The following FUZ variants were observed in gnomAD, a reference collection of about 807,000 sequenced individuals.
FUZ encodes the protein protein fuzzy homolog.
Under a neutral mutation model 43.1 loss-of-function variants are expected in FUZ, and 31 were observed. The ratio of observed to expected loss-of-function variants is 0.72; its 90% CI spans 0.54 to 0.97. The LOEUF is 0.97. Ranked by LOEUF, FUZ falls within the 50% of genes least tolerant of loss-of-function variation. The probability of loss-of-function intolerance (pLI) is 0.00; values close to 1 mark genes in which losing one functional copy is unlikely to be tolerated. For missense variants in FUZ, 539 were observed against 543.8 expected, an observed-to-expected ratio of 0.99 and a Z score of 0.09; for synonymous variants, 274 against 250.0, an observed-to-expected ratio of 1.10 and a Z score of -0.91.
Position 49,809,018 on chromosome 19 carries a change from T to C in FUZ, c.786+145A>G, listed in dbSNP as rs2073602164. 1 of 937,316 alleles carries C rather than the reference T, an allele frequency of 1.1e-6. No individual in the cohort carries two copies. The highest frequency in any genetic ancestry group is 2.0e-5 in the Admixed American group (1 of 50,004). The allele number at this position is 937,316 out of a possible 1,614,324, so 58.1% of individuals were successfully genotyped here. ...TAGAGGCAGAGGCGGGAGCGGCCGA[T>C]CTTGGCGGGTAGGTGAATGACTGGA... On this transcript the variant is annotated intron_variant, in intron 7 of 10. Transcript: ENST00000313777. This position sits in a 1 kb window ranked among gnomAD's most constrained non-coding sequence, Gnocchi z 5.1.
chr19:49,811,511 A>T (rs373836926), intron 4 of FUZ, 44 bp from the exon 5 acceptor site: 89 of 1,594,012 alleles, frequency 5.6e-5, no homozygotes, highest in Middle Eastern at 5.0e-4. Context: ...AAGTGGGCCC[A>T]GGGTCAGACA....
At position 49,808,813 on chromosome 19, in the gene FUZ, C is replaced by G; in HGVS notation, c.797G>C (p.Arg266Pro). The part of the protein sequence containing the change: ...LSQLYPQLLE[R>P]WWQPLLDPLR... ...CGGGTCCAGCAGTGGCTGCCACCAG[C>G]GCTCCAGAAGCTGCAGGGGGCGTGG... The change falls in exon 8 of 11, where the codon CGC (arginine) becomes CCC (proline). Residue 266 changes from arginine to proline, a missense_variant. Transcript: ENST00000313777. 6.4e-7 allele frequency: 1 copy of G among 1,550,424 alleles called. No homozygotes were observed. Among genetic ancestry groups the G allele is most frequent in the Non-Finnish European group, 8.7e-7 (1 of 1,148,486 alleles).
At chr19:49,808,541 C>A in intron 9 of FUZ, 33 bp downstream of exon 9, 1 of 1,594,240 alleles carries the variant, frequency 6.3e-7, no homozygotes, top group Non-Finnish European at 8.5e-7. Flanking sequence ...CCACGCCCCT[C>A]CTACCCCTGC....
intron 10 of FUZ, chr19:49,808,104 A>T (rs1304034811): frequency 2.2e-6 from 1 of 444,730 alleles, no homozygotes; most frequent in East Asian, 4.8e-5. Flanking sequence ...AGGTAATGGG[A>T]TAGTCCTCAC....
At chr19:49,811,341 G>A (rs763254372) in intron 5 of FUZ, 22 bp downstream of exon 5, 1 of 1,532,062 alleles carries the variant, frequency 6.5e-7, no homozygotes, top group South Asian at 1.2e-5. Context: ...AGGTGTAAGA[G>A]TTTCCATAGC....
intron 10 of FUZ, chr19:49,808,115 C>T (rs1198062819): frequency 4.2e-6 from 2 of 471,792 alleles, no homozygotes; most frequent in Non-Finnish European, 7.8e-6. Flanking sequence ...TAGTCCTCAC[C>T]TGTGAGGATG....
intron 5 of FUZ, 74 bp downstream of exon 5, chr19:49,811,289 C>A (rs1292642479): frequency 9.8e-7 from 1 of 1,022,370 alleles, no homozygotes; most frequent in South Asian, 1.4e-5. Context: ...GGACAATGGT[C>A]CAGAAGAAAG....
In FUZ at chr19:49,812,510, G is replaced by A. The variant is rs193060617; in HGVS notation, c.233+105C>T. ...TAACTGGCTTGCTAAAGATCCCATA[G>A]CCAAATTAACAGCTGCTTTTAGAGA... is the stretch of plus-strand genomic sequence containing the variant. On this transcript the variant is annotated intron_variant, in intron 2 of 10. Transcript: ENST00000313777. 14 of 1,529,308 alleles carry A rather than the reference G, an allele frequency of 9.2e-6. No individual in the cohort carries two copies. The African/African-American group carries it at 1.8e-4, about 19-fold the overall frequency. 94.7% of individuals were successfully genotyped at this position (1,529,308 alleles called of 1,614,324 possible).
At position 49,806,979 on chromosome 19, in the gene FUZ, C is replaced by CCCCG; in HGVS notation, c.*171_*172insCGGG. Reference sequence around the variant, plus strand: ...AGTCCCCCTCCCTCCCTTTCCCCCCCAAGCACAGAGGGGAGAGGGGCCAGG... The same window carrying CCCCG: ...AGTCCCCCTCCCTCCCTTTCCCCCCCCCCGAAGCACAGAGGGGAGAGGGGCCAGG... On this transcript the variant is annotated 3_prime_UTR_variant, in exon 11 of 11. Coordinates refer to ENST00000313777, the MANE Select transcript of FUZ (RefSeq NM_025129.5). The CCCCG allele has an allele frequency of 6.5e-7, 1 of 1,530,264 alleles. No individual in the cohort carries two copies. The highest frequency in any genetic ancestry group is 8.7e-7 in the Non-Finnish European group (1 of 1,144,272). The allele number at this position is 1,530,264 out of a possible 1,614,324, so 94.8% of individuals were successfully genotyped here. A position where few individuals can be genotyped will look rare whatever the true frequency, so the allele number is the denominator to read the frequency against.
At position 49,809,567 on chromosome 19, in the gene FUZ, G is replaced by A. The variant is rs542258207; in HGVS notation, c.501C>T (p.Leu167=). Residue 167 remains leucine, a synonymous_variant, in exon 6 of 11, where the codon CTC becomes CTT. Transcript: ENST00000313777. This position sits in a 1 kb window ranked among gnomAD's most constrained non-coding sequence, Gnocchi z 5.1. The stretch of plus-strand genomic sequence containing the variant: ...TGCCCGCGGCCTCAGCGAACCCGGA[G>A]AGGGCTTCCTGGGTACGGGAGGCAG... The part of the protein sequence containing the change: ...PPEGSLLQEA[L]SGFAEAAGTT... The A allele has an allele frequency of 1.9e-6, 3 of 1,596,484 alleles. No individual in the cohort carries two copies. The African/African-American group carries it at 4.0e-5, about 21-fold the overall frequency.
Position 49,809,280 on chromosome 19 carries a change from G to C in FUZ, c.691-22C>G. On this transcript the variant is annotated intron_variant, in intron 6 of 10. Coordinates refer to ENST00000313777, the MANE Select transcript of FUZ (RefSeq NM_025129.5). The surrounding 1 kb of genome is among the most constrained non-coding windows in gnomAD (Gnocchi z 5.1). ...GGACCTGAAGCAGGGCACAGGCTGG[G>C]GCTCATCGCGGCCCGGCCCCTTTCC... The C allele has an allele frequency of 6.5e-7, 1 of 1,550,092 alleles. No individual in the cohort carries two copies. Among genetic ancestry groups the C allele is most frequent in the Non-Finnish European group, 8.7e-7 (1 of 1,146,728 alleles).
At position 49,807,257 on chromosome 19, in the gene FUZ, T is replaced by C; in HGVS notation, c.1151A>G (p.Gln384Arg). Residue 384 changes from glutamine to arginine, a missense_variant, in exon 11 of 11, where the codon CAG becomes CGG. Transcript: ENST00000313777. The part of the protein sequence containing the change: ...PGTGVRLVAL[Q>R]LGLRRLLLLL... Reference sequence around the variant, plus strand: ...CAGCAGCAGCCGCCGAAGCCCCAGCTGCAAGGCCACCAGACGCACTCCTGT... The same window carrying C: ...CAGCAGCAGCCGCCGAAGCCCCAGCCGCAAGGCCACCAGACGCACTCCTGT... 2 of 1,613,276 alleles carry C rather than the reference T, an allele frequency of 1.2e-6. No homozygotes were observed. Among genetic ancestry groups the C allele is most frequent in the Non-Finnish European group, 1.7e-6 (2 of 1,179,820 alleles).
chr19:49,809,763 C>A lies in FUZ; in HGVS notation c.493-188G>T, dbSNP rs547906240. ...CTTTCATACGAAGTCACATCCCCAA[C>A]TCACACTGTGAAGTCTGTGAAATCT... On this transcript the variant is annotated intron_variant, in intron 5 of 10. Transcript: ENST00000313777. This position sits in a 1 kb window ranked among gnomAD's most constrained non-coding sequence, Gnocchi z 5.1. 14 of 641,418 alleles carry A rather than the reference C, an allele frequency of 2.2e-5. No homozygotes were observed. The Admixed American group carries it at 2.9e-4, about 13-fold the overall frequency. 39.7% of individuals were successfully genotyped at this position (641,418 alleles called of 1,614,324 possible).
rs562614104 is a variant in FUZ, at chr19:49,812,769, A to AC, written c.112-34dup. On this transcript the variant is annotated intron_variant, in intron 1 of 10. Transcript: ENST00000313777. ...GGGGTTAGGGACATCAGACAAGAGCACCCCCCCATCCCCTTCCCCCTTAGG... is the reference window on the plus strand; with the variant it reads ...GGGGTTAGGGACATCAGACAAGAGCACCCCCCCCATCCCCTTCCCCCTTAGG... 3.4e-4 allele frequency: 551 copies of AC among 1,608,596 alleles called. 1 individual carries two copies. The highest frequency in any genetic ancestry group is 3.1e-3 in the African/African-American group (229 of 74,302).
In FUZ at chr19:49,807,114, A is replaced by G. The variant is rs2123780897; in HGVS notation, c.*37T>C. The G allele has an allele frequency of 6.2e-7, 1 of 1,610,990 alleles. No homozygotes were observed. Among genetic ancestry groups the G allele is most frequent in the Non-Finnish European group, 8.5e-7 (1 of 1,179,424 alleles). On this transcript the variant is annotated 3_prime_UTR_variant, in exon 11 of 11. Coordinates refer to ENST00000313777, the MANE Select transcript of FUZ (RefSeq NM_025129.5). ...AGCGAATAAACAGAGAGACGCTAAC[A>G]GCCCCATGTCTGTGTCCATCACCCA... is the stretch of plus-strand genomic sequence containing the variant.
Position 49,809,682 on chromosome 19 carries a change from G to A in FUZ, c.493-107C>T, listed in dbSNP as rs1201198250. On this transcript the variant is annotated intron_variant, in intron 5 of 10. Transcript: ENST00000313777. The surrounding 1 kb of genome is among the most constrained non-coding windows in gnomAD (Gnocchi z 5.1). ...GGGAGAAACCCACAGCCAGCCCCGA[G>A]CTCGCGCAGTGGCCATGCTCCTACG... 2 of 1,179,826 alleles carry A rather than the reference G, an allele frequency of 1.7e-6. No individual in the cohort carries two copies. Among genetic ancestry groups the A allele is most frequent in the African/African-American group, 1.5e-5 (1 of 66,136 alleles). The allele number at this position is 1,179,826 out of a possible 1,614,324, so 73.1% of individuals were successfully genotyped here.
intron 4 of FUZ, 63 bp from the exon 5 acceptor site, chr19:49,811,530 C>T (rs753787518): frequency 1.3e-6 from 2 of 1,583,632 alleles, no homozygotes; most frequent in South Asian, 1.1e-5. Context: ...CAACCAAGAA[C>T]CTGTGGGACC....
chr19:49,809,275 G>A lies in FUZ; in HGVS notation c.691-17C>T. Reference sequence around the variant, plus strand: ...GTGTGGGACCTGAAGCAGGGCACAGGCTGGGGCTCATCGCGGCCCGGCCCC... The same window carrying A: ...GTGTGGGACCTGAAGCAGGGCACAGACTGGGGCTCATCGCGGCCCGGCCCC... On this transcript the variant is annotated splice_polypyrimidine_tract_variant and intron_variant, in intron 6 of 10. Transcript: ENST00000313777. This position sits in a 1 kb window ranked among gnomAD's most constrained non-coding sequence, Gnocchi z 5.1. 6.4e-7 allele frequency: 1 copy of A among 1,550,426 alleles called. No individual in the cohort carries two copies. The highest frequency in any genetic ancestry group is 8.7e-7 in the Non-Finnish European group (1 of 1,146,782).
rs11882463 is a variant in FUZ at position 49,813,292 on chromosome 19, C to T, written c.-186G>A. The T allele has an allele frequency of 1.9e-3, 1,312 of 697,558 alleles. 15 individuals carry two copies. In the African/African-American group the frequency reaches 0.019, roughly 10 times the overall value. The allele number at this position is 697,558 out of a possible 1,614,324, so 43.2% of individuals were successfully genotyped here. Reference sequence around the variant, plus strand: ...AACAGACCCTCAAACCCTATTCAGGCACCTCCCCCAAACCCATTAGGTTCT... The same window carrying T: ...AACAGACCCTCAAACCCTATTCAGGTACCTCCCCCAAACCCATTAGGTTCT... On this transcript the variant is annotated 5_prime_UTR_variant, in exon 1 of 11. Coordinates refer to ENST00000313777, the MANE Select transcript of FUZ (RefSeq NM_025129.5).
Sources: allele counts gnomAD v4.1 joint callset, GRCh38; gene constraint gnomAD v4.1.1; non-coding constraint Gnocchi (gnomAD v3.1); transcripts MANE v1.5; gene names NCBI Gene and HGNC (gene_info 2026-07-23, HGNC 2026-07-21).